Variants in RXFP1 observed in about 807,000 individuals in gnomAD.
RXFP1 encodes relaxin receptor 1.
A neutral mutation model predicts 89.8 loss-of-function variants in RXFP1; 73 were observed. The ratio of observed to expected loss-of-function variants is 0.81; its 90% CI spans 0.67 to 0.99. RXFP1 has a LOEUF of 0.99. RXFP1 is among the 50% of genes least tolerant of loss of function. The probability of loss-of-function intolerance (pLI) is 0.00; values close to 1 mark genes in which losing one functional copy is unlikely to be tolerated. For missense variants in RXFP1, 793 were observed against 895.5 expected (o/e 0.89, Z 1.46); for synonymous variants, 277 against 305.5 (o/e 0.91, Z 0.97).
At chr4:158,572,198 C>G (rs1439932111) in intron 1 of RXFP1, among the ~76,000 whole-genome samples, 1 of 152,100 alleles carries the variant, frequency 6.6e-6, no homozygotes, top group Non-Finnish European at 1.5e-5. Context: ...TCTTTTTTGT[C>G]TATTAAACTT....
intron 12 of RXFP1, among the ~76,000 whole-genome samples, chr4:158,635,657 C>G (rs553492156): frequency 6.6e-6 from 1 of 152,204 alleles, no homozygotes; most frequent in South Asian, 2.1e-4. Flanking sequence ...CATATACATC[C>G]TTTATTATGT....
At chr4:158,567,554 T>C (rs1753861174) in intron 1 of RXFP1, among the ~76,000 whole-genome samples, 1 of 152,140 alleles carries the variant, frequency 6.6e-6, no homozygotes, top group Non-Finnish European at 1.5e-5. Flanking sequence ...AGAACCTTTA[T>C]GTCTAGCTAA....
intron 1 of RXFP1, among the ~76,000 whole-genome samples, chr4:158,532,504 A>G (rs1386701742): frequency 6.6e-6 from 1 of 152,270 alleles, no homozygotes; most frequent in African/African-American, 2.4e-5. Context: ...GACCAACAGC[A>G]TGTGATTTCG....
intron 3 of RXFP1, among the ~76,000 whole-genome samples, chr4:158,596,798 A>T (rs1257565600): frequency 1.3e-5 from 2 of 152,188 alleles, no homozygotes; most frequent in Non-Finnish European, 2.9e-5. Context: ...TGTCAAGTCC[A>T]AGAGAGAAAA....
At chr4:158,648,455 G>T (rs756881272) in intron 16 of RXFP1, 44 bp from the exon 17 acceptor site, 39 of 1,163,470 alleles carry the variant, frequency 3.4e-5, no homozygotes, top group Non-Finnish European at 1.5e-5. Context: ...CATTTTGAAA[G>T]AAATATTTCT....
At chr4:158,522,672 AGTT>A (rs1170709000) in intron 1 of RXFP1, among the ~76,000 whole-genome samples, 3 of 152,318 alleles carry the variant, frequency 2.0e-5, no homozygotes, top group East Asian at 1.9e-4. Context: ...CAAGGGAAAC[AGTT>A]GTTGTGTGTT....
At chr4:158,531,552 C>G (rs1022180150) in intron 1 of RXFP1, among the ~76,000 whole-genome samples, 4 of 152,158 alleles carry the variant, frequency 2.6e-5, no homozygotes, top group Non-Finnish European at 5.9e-5. Context: ...TCAGAAAGCA[C>G]AGGGTTGTGG....
At chr4:158,591,741 G>A (rs1286132347) in intron 2 of RXFP1, among the ~76,000 whole-genome samples, 1 of 152,030 alleles carries the variant, frequency 6.6e-6, no homozygotes, top group South Asian at 2.1e-4. Context: ...AGAGCAAGAC[G>A]CTGTCTCAAA....
chr4:158,546,807 T>A (rs1409124781), intron 1 of RXFP1, among the ~76,000 whole-genome samples: 1 of 151,946 alleles, frequency 6.6e-6, no homozygotes, highest in Non-Finnish European at 1.5e-5. Flanking sequence ...GCCCACTTGA[T>A]CATGGTGGAT....
At chr4:158,567,905 T>C (rs555660356) in intron 1 of RXFP1, among the ~76,000 whole-genome samples, 3 of 152,328 alleles carry the variant, frequency 2.0e-5, no homozygotes, top group African/African-American at 7.2e-5. Flanking sequence ...CCTTCCAGCT[T>C]GTGGTGGCTT....
Position 158,640,145 on chromosome 4 carries a change from T to C in RXFP1, c.1115+814T>C, listed in dbSNP as rs73860563. ...CTTAAACCTTTGATATTGGGTGAGA[T>C]GATTTTAGTTTTCCACAGTCTGGTA... is the stretch of plus-strand genomic sequence containing the variant. On this transcript the variant is annotated intron_variant, in intron 14 of 17. Transcript: ENST00000307765. Among the ~76,000 whole-genome samples the C allele has an allele frequency of 9.9e-3, 1,509 of 152,332 alleles. 23 individuals are homozygous for C. Among genetic ancestry groups the C allele is most frequent in the African/African-American group, 0.035 (1,451 of 41,560 alleles).
intron 4 of RXFP1, among the ~76,000 whole-genome samples, chr4:158,603,631 C>A (rs1762074923): frequency 6.6e-6 from 1 of 151,984 alleles, no homozygotes; most frequent in African/African-American, 2.4e-5. Flanking sequence ...GTGGCTCACG[C>A]CTGTAATCCC....
chr4:158,590,485 G>A (rs1054105565), intron 2 of RXFP1, among the ~76,000 whole-genome samples: 3 of 152,102 alleles, frequency 2.0e-5, no homozygotes, highest in African/African-American at 7.2e-5. Flanking sequence ...TCTCTCCAGA[G>A]CTATTTCTTT....
intron 1 of RXFP1, among the ~76,000 whole-genome samples, chr4:158,527,433 C>T (rs894300041): frequency 1.3e-5 from 2 of 151,160 alleles, no homozygotes; most frequent in Non-Finnish European, 2.9e-5. Context: ...ATCCCAGCTA[C>T]TCAGGTGGCT....
intron 15 of RXFP1, chr4:158,646,505 T>G: frequency 7.9e-7 from 1 of 1,267,664 alleles, no homozygotes; most frequent in Non-Finnish European, 1.0e-6. Flanking sequence ...ATGTGATGGG[T>G]CTAGAACAAT....
rs138905220 is a variant in RXFP1, at chr4:158,619,822, C to CA, written c.755+2628dup. 4.4e-3 allele frequency among the ~76,000 whole-genome samples: 611 copies of CA among 137,784 alleles called. 2 individuals are homozygous for CA. The highest frequency in any genetic ancestry group is 7.7e-3 in the South Asian group (29 of 3,766). The allele number at this position is 137,784 out of a possible 152,430, so 90.4% of individuals were successfully genotyped here. A position where few individuals can be genotyped will look rare whatever the true frequency, so the allele number is the denominator to read the frequency against. ...AGAGCATTCTGCCCCAGGGTACCAA[C>CA]AAAAAAAAAAACCACTCCAGCCCAG... On this transcript the variant is annotated intron_variant, in intron 9 of 17. Transcript: ENST00000307765.
chr4:158,610,792 C>G, intron 6 of RXFP1: 1 of 1,001,782 alleles, frequency 1.0e-6, no homozygotes, highest in Non-Finnish European at 1.4e-6. Context: ...ACTGTGCCCA[C>G]CTGGGCTCCA....
intron 10 of RXFP1, among the ~76,000 whole-genome samples, chr4:158,628,301 A>G (rs1191554245): frequency 6.6e-6 from 1 of 152,216 alleles, no homozygotes; most frequent in African/African-American, 2.4e-5. Context: ...CAGTCATGCT[A>G]TGCAGACTGA....
At chr4:158,584,586 C>T (rs1367223097) in intron 2 of RXFP1, among the ~76,000 whole-genome samples, 1 of 152,178 alleles carries the variant, frequency 6.6e-6, no homozygotes, top group African/African-American at 2.4e-5. Flanking sequence ...ATGACATCAT[C>T]ACACACTCTG....
Sources: allele counts gnomAD v4.1 joint callset (sites outside exome capture counted in the v4.1 genomes callset), GRCh38; gene constraint gnomAD v4.1.1; transcripts MANE v1.5; gene names NCBI Gene and HGNC (gene_info 2026-07-23, HGNC 2026-07-21).